CBX1: variants seen among roughly 807,000 people sequenced by gnomAD.
The protein encoded by CBX1 is chromobox 1, also known as chromobox protein homolog 1.
In CBX1, 10 loss-of-function variants were observed where a neutral mutation model predicts 25.1. The observed-to-expected ratio is 0.40, with a 90% CI of 0.25 to 0.68. CBX1 has a LOEUF of 0.68. CBX1 is among the 30% of genes least tolerant of loss of function. CBX1 has a pLI of 0.40. For missense variants in CBX1, 106 were observed against 218.5 expected, an observed-to-expected ratio of 0.49 and a Z score of 3.25; for synonymous variants, 63 against 79.4, an observed-to-expected ratio of 0.79 and a Z score of 1.10.
At chr17:48,095,869 C>T (rs992536148) in intron 1 of CBX1, 5 of 152,162 alleles carry the variant, frequency 3.3e-5, no homozygotes, top group African/African-American at 7.2e-5. Flanking sequence ...TTATGCCACA[C>T]ACAGTTAGCA....
At chr17:48,097,751 G>A (rs899342708) in intron 1 of CBX1, among the ~76,000 whole-genome samples, 8 of 152,120 alleles carry the variant, frequency 5.3e-5, no homozygotes, top group Admixed American at 4.6e-4. Flanking sequence ...GCTAAAGGCA[G>A]GAAAGATTTA....
rs1250923386 is a variant in CBX1, at chr17:48,071,224, AT to A, written c.*210del. The stretch of plus-strand genomic sequence containing the variant: ...CAGAAAAGGTTGCCTTGAAACACTT[AT>A]CCCCTTTCCCCTCCACTGGGATGGG... On this transcript the variant is annotated 3_prime_UTR_variant, in exon 5 of 5. Transcript: ENST00000225603. 13 of 421,256 alleles carry A rather than the reference AT, an allele frequency of 3.1e-5. No homozygotes were observed. The highest frequency in any genetic ancestry group is 5.0e-5 in the Non-Finnish European group (12 of 239,630). 26.1% of individuals were successfully genotyped at this position (421,256 alleles called of 1,614,324 possible).
intron 1 of CBX1, among the ~76,000 whole-genome samples, chr17:48,093,903 T>A (rs1598316046): frequency 1.3e-5 from 2 of 151,982 alleles, no homozygotes; most frequent in African/African-American, 4.8e-5. Context: ...GCGAATTACC[T>A]GAGGTCAGGA....
chr17:48,080,845 C>T (rs1290781294), intron 1 of CBX1, among the ~76,000 whole-genome samples: 1 of 138,388 alleles, frequency 7.2e-6, no homozygotes, highest in African/African-American at 2.7e-5. Context: ...TGCTTGAACC[C>T]GGGAGGCGGA....
chr17:48,085,837 G>C (rs748320616), intron 1 of CBX1, among the ~76,000 whole-genome samples: 3 of 152,104 alleles, frequency 2.0e-5, no homozygotes, highest in Non-Finnish European at 2.9e-5. Flanking sequence ...AGGCTGAGGA[G>C]GGCAGAATCA....
Position 48,076,181 on chromosome 17 carries a change from G to A in CBX1, c.141-3C>T, listed in dbSNP as rs772516231. On this transcript the variant is annotated splice_polypyrimidine_tract_variant and splice_region_variant and intron_variant, in intron 2 of 4. Coordinates refer to ENST00000225603, the MANE Select transcript of CBX1 (RefSeq NM_001127228.2). The stretch of plus-strand genomic sequence containing the variant: ...CTGGCTCCCATGTGTTGTCCTCACT[G>A]AAACCAGAGGGCACAGCAAGTCACA... 11 of 1,553,830 alleles carry A rather than the reference G, an allele frequency of 7.1e-6. No homozygotes were observed. The highest frequency in any genetic ancestry group is 1.7e-4 in the Middle Eastern group (1 of 5,858).
intron 1 of CBX1, among the ~76,000 whole-genome samples, chr17:48,081,919 A>G (rs1035325120): frequency 6.6e-6 from 1 of 152,094 alleles, no homozygotes; most frequent in African/African-American, 2.4e-5. Flanking sequence ...TTTGTTTACA[A>G]TTAGTTCTCT....
chr17:48,072,380 G>A (rs891402987), intron 4 of CBX1, among the ~76,000 whole-genome samples: 2 of 152,060 alleles, frequency 1.3e-5, no homozygotes, highest in African/African-American at 4.8e-5. Flanking sequence ...TTGCATAATC[G>A]TAATTACACT....
chr17:48,083,252 C>A (rs997248854), intron 1 of CBX1, among the ~76,000 whole-genome samples: 5 of 150,056 alleles, frequency 3.3e-5, no homozygotes, highest in Middle Eastern at 3.4e-3. Flanking sequence ...TCCAGTGATC[C>A]TCCCGCCTCA....
At chr17:48,074,228 G>GT (rs1171550984) in intron 4 of CBX1, among the ~76,000 whole-genome samples, 1 of 152,208 alleles carries the variant, frequency 6.6e-6, no homozygotes, top group African/African-American at 2.4e-5. Context: ...GACTGTGTGT[G>GT]TGTGTGTGTG....
At chr17:48,099,394 G>A (rs1353441966) in intron 1 of CBX1, among the ~76,000 whole-genome samples, 1 of 148,580 alleles carries the variant, frequency 6.7e-6, no homozygotes, top group Non-Finnish European at 1.5e-5. Context: ...TTGAGCCACT[G>A]CGCCCGACCC....
chr17:48,098,471 A>C (rs1271521235), intron 1 of CBX1, among the ~76,000 whole-genome samples: 1 of 152,126 alleles, frequency 6.6e-6, no homozygotes. Flanking sequence ...GCCAGGCACT[A>C]ATGAACAAGA....
At chr17:48,075,711 C>A (rs1440122555) in intron 3 of CBX1, among the ~76,000 whole-genome samples, 2 of 152,184 alleles carry the variant, frequency 1.3e-5, no homozygotes, top group Non-Finnish European at 2.9e-5. Flanking sequence ...AAAATAGCCA[C>A]CTCACACCTT....
At chr17:48,099,613 T>A (rs1393958200) in intron 1 of CBX1, among the ~76,000 whole-genome samples, 1 of 152,162 alleles carries the variant, frequency 6.6e-6, no homozygotes, top group Non-Finnish European at 1.5e-5. Context: ...CCGGCATTAA[T>A]TTCCCCATTG....
Position 48,071,438 on chromosome 17 carries a change from G to C in CBX1, c.555C>G (p.Asn185Lys). ...CAGGGGCTGGTACTCAGGAGCGTTA[G>C]TTCTTGTCATCTTTTTTGTCATCAT... ...SEDDDKKDDK[N>K] is the part of the protein sequence containing the mutation. The change falls in exon 5 of 5, where the codon AAC (asparagine) becomes AAG (lysine). Residue 185 changes from asparagine (N) to lysine (K), a missense_variant. Physicochemically the swap from Asn to Lys is moderately conservative, Grantham distance 94 (BLOSUM62 0). Coordinates refer to ENST00000225603, the MANE Select transcript of CBX1 (RefSeq NM_001127228.2). 1 of 1,608,696 alleles carries C rather than the reference G, an allele frequency of 6.2e-7. No individual in the cohort carries two copies. The highest frequency in any genetic ancestry group is 8.5e-7 in the Non-Finnish European group (1 of 1,178,088).
In CBX1 at chr17:48,096,450, G is replaced by C. The variant is rs1330588759; in HGVS notation, c.-38+4818C>G. 7 of 837,032 alleles carry C rather than the reference G, an allele frequency of 8.4e-6. No individual in the cohort carries two copies. The East Asian group carries it at 7.4e-4, about 88-fold the overall frequency. 51.9% of individuals were successfully genotyped at this position (837,032 alleles called of 1,614,324 possible). On this transcript the variant is annotated intron_variant, in intron 1 of 4. Transcript: ENST00000225603. Reference sequence around the variant, plus strand: ...TAAAAGTGGTTAGAAAGCTAGACCAGAATTATGACTACATTGGAAACGTAT... The same window carrying C: ...TAAAAGTGGTTAGAAAGCTAGACCACAATTATGACTACATTGGAAACGTAT...
At chr17:48,081,596 G>A (rs889053364) in intron 1 of CBX1, among the ~76,000 whole-genome samples, 13 of 152,158 alleles carry the variant, frequency 8.5e-5, no homozygotes, top group African/African-American at 2.2e-4. Context: ...TCACCACCAT[G>A]CCCAGCTAAT....
intron 1 of CBX1, among the ~76,000 whole-genome samples, chr17:48,099,090 T>C (rs915154005): frequency 6.6e-6 from 1 of 152,158 alleles, no homozygotes; most frequent in South Asian, 2.1e-4. Flanking sequence ...ACACCATCTA[T>C]CTACCTATCA....
intron 1 of CBX1, among the ~76,000 whole-genome samples, chr17:48,083,709 A>C (rs1271790902): frequency 6.7e-6 from 1 of 149,982 alleles, no homozygotes; most frequent in Non-Finnish European, 1.5e-5. Flanking sequence ...CTGTAATCCC[A>C]GCTACTTGGA....
Sources: gnomAD v4.1 joint callset for allele counts (sites outside exome capture counted in the v4.1 genomes callset) on GRCh38, gnomAD v4.1.1 for gene constraint, MANE v1.5 for transcripts, NCBI Gene and HGNC (gene_info 2026-07-23, HGNC 2026-07-21) for gene names.